NTM: variants seen among roughly 807,000 people sequenced by gnomAD.
NTM encodes the protein IgLON family member 2.
In NTM, 13 loss-of-function variants were observed where a neutral mutation model predicts 42.1. That is an observed-to-expected ratio of 0.31 (90% CI 0.20 to 0.49). The LOEUF (loss-of-function observed/expected upper bound fraction) is 0.49, where lower values mean the gene tolerates loss of function less well. Ranked by LOEUF, NTM falls within the 20% of genes least tolerant of loss-of-function variation. The pLI is 0.99. For missense variants in NTM, 373 were observed against 452.8 expected, an observed-to-expected ratio of 0.82 and a Z score of 1.60; for synonymous variants, 187 against 179.2, an observed-to-expected ratio of 1.04 and a Z score of -0.35.
At chr11:131,869,166 CT>C (rs1206454373) in intron 1 of NTM, among the ~76,000 whole-genome samples, 1 of 152,070 alleles carries the variant, frequency 6.6e-6, no homozygotes, top group Non-Finnish European at 1.5e-5. Context: ...GTAGATTTCA[CT>C]TTTTTTAATG....
intron 1 of NTM, among the ~76,000 whole-genome samples, chr11:131,631,475 TA>T (rs920020792): frequency 1.5e-4 from 23 of 152,066 alleles, no homozygotes; most frequent in African/African-American, 5.3e-4. Flanking sequence ...CTTATGTTAA[TA>T]AAAAAAATGA....
intron 1 of NTM, among the ~76,000 whole-genome samples, chr11:131,621,055 G>A (rs770527330): frequency 3.3e-5 from 5 of 152,166 alleles, no homozygotes; most frequent in Non-Finnish European, 7.3e-5. Flanking sequence ...ACAGAAACCT[G>A]AATGATGTAG....
intron 4 of NTM, among the ~76,000 whole-genome samples, chr11:132,220,604 G>A (rs964661655): frequency 2.0e-5 from 3 of 152,174 alleles, no homozygotes; most frequent in Non-Finnish European, 4.4e-5. Flanking sequence ...GCATACCACA[G>A]ACACTGTTTG....
chr11:132,081,056 A>G (rs1178068569), intron 2 of NTM, among the ~76,000 whole-genome samples: 1 of 152,246 alleles, frequency 6.6e-6, no homozygotes, highest in Non-Finnish European at 1.5e-5. Context: ...GAATAAGCAC[A>G]TAGATGCTAA....
intron 2 of NTM, among the ~76,000 whole-genome samples, chr11:132,008,306 G>A (rs999926351): frequency 1.3e-5 from 2 of 152,094 alleles, no homozygotes; most frequent in South Asian, 2.1e-4. Context: ...CTGAGTCTTG[G>A]TTTTCCATCC....
intron 2 of NTM, among the ~76,000 whole-genome samples, chr11:131,917,069 C>A (rs999264494): frequency 6.6e-6 from 1 of 152,234 alleles, no homozygotes; most frequent in Non-Finnish European, 1.5e-5. Context: ...GAACAATCAT[C>A]TCCATCTGAA....
At chr11:132,161,195 A>G (rs1357129701) in intron 3 of NTM, among the ~76,000 whole-genome samples, 1 of 152,040 alleles carries the variant, frequency 6.6e-6, no homozygotes, top group Non-Finnish European at 1.5e-5. Flanking sequence ...GTGCTCCTCC[A>G]GTGAGGCTTC....
chr11:131,762,487 G>A (rs1375104792), intron 1 of NTM, among the ~76,000 whole-genome samples: 2 of 152,230 alleles, frequency 1.3e-5, no homozygotes, highest in African/African-American at 2.4e-5. Context: ...GCTGCATGCA[G>A]GCCAAGGGCA....
chr11:132,272,774 G>A (rs545866435), intron 4 of NTM, among the ~76,000 whole-genome samples: 1 of 151,880 alleles, frequency 6.6e-6, no homozygotes, highest in East Asian at 1.9e-4. Context: ...TTTTTTAGTG[G>A]ATTTCTTAGT....
chr11:132,288,509 C>T (rs1301673668), intron 4 of NTM, among the ~76,000 whole-genome samples: 2 of 152,236 alleles, frequency 1.3e-5, no homozygotes, highest in Non-Finnish European at 2.9e-5. Flanking sequence ...ATGTATAGAA[C>T]ACCACTTGAA....
In NTM at chr11:131,604,177, C is replaced by T. The variant is rs1203546535; in HGVS notation, c.82+233289C>T. On this transcript the variant is annotated intron_variant, in intron 1 of 8. Transcript: ENST00000683400. ...TGAGGGTTCCAATTCTTCGAATCCTCCTCAATCCTTGTTATGATCTGTCTT... is the reference window on the plus strand; with the variant it reads ...TGAGGGTTCCAATTCTTCGAATCCTTCTCAATCCTTGTTATGATCTGTCTT... Among the ~76,000 whole-genome samples, 4 of 152,288 alleles carry T rather than the reference C, an allele frequency of 2.6e-5. No individual in the cohort carries two copies. The East Asian group carries it at 5.8e-4, about 22-fold the overall frequency.
At chr11:132,309,571 G>C (rs2095215275) in intron 5 of NTM, among the ~76,000 whole-genome samples, 1 of 152,192 alleles carries the variant, frequency 6.6e-6, no homozygotes, top group Non-Finnish European at 1.5e-5. Flanking sequence ...AAATGCTTGA[G>C]TACATGGTCA....
At chr11:131,925,539 C>T (rs936738250) in intron 2 of NTM, among the ~76,000 whole-genome samples, 1 of 152,022 alleles carries the variant, frequency 6.6e-6, no homozygotes, top group Admixed American at 6.6e-5. Context: ...GTACATGCCA[C>T]CATGCCCAGC....
intron 1 of NTM, among the ~76,000 whole-genome samples, chr11:131,613,853 C>G (rs1220098128): frequency 6.6e-6 from 1 of 152,170 alleles, no homozygotes; most frequent in Non-Finnish European, 1.5e-5. Context: ...CACCACGTAC[C>G]TGCCTTGCTT....
At chr11:131,434,607 A>G (rs1948968698) in intron 1 of NTM, among the ~76,000 whole-genome samples, 1 of 152,122 alleles carries the variant, frequency 6.6e-6, no homozygotes, top group African/African-American at 2.4e-5. Context: ...GTGTCTGTTC[A>G]TATCCTTTGC....
chr11:131,915,908 G>C (rs1592827603), intron 2 of NTM, among the ~76,000 whole-genome samples: 1 of 152,180 alleles, frequency 6.6e-6, no homozygotes, highest in Non-Finnish European at 1.5e-5. Context: ...GGAATTATGG[G>C]AGCTACAATT....
At chr11:131,878,583 AAAAAAAAAAAAATATATATATATAT>A (rs2078175501) in intron 1 of NTM, among the ~76,000 whole-genome samples, 1 of 54,018 alleles carries the variant, frequency 1.9e-5, no homozygotes, top group African/African-American at 8.4e-5. Context: ...AAAAAAAAAA[AAAAAAAAAAAAATATATATATATAT>A]ATATATATAT....
chr11:132,023,943 C>G (rs185743889), intron 2 of NTM, among the ~76,000 whole-genome samples: 14 of 151,794 alleles, frequency 9.2e-5, no homozygotes, highest in Non-Finnish European at 1.6e-4. Context: ...CTCAGCCTCC[C>G]GAGTAGCTGG....
chr11:131,737,060 C>T (rs1039771013), intron 1 of NTM, among the ~76,000 whole-genome samples: 9 of 152,120 alleles, frequency 5.9e-5, no homozygotes, highest in Non-Finnish European at 7.3e-5. Flanking sequence ...TTATTTAGCA[C>T]GCTGCTACTT....
Sources: allele counts gnomAD v4.1 joint callset (sites outside exome capture counted in the v4.1 genomes callset), GRCh38; gene constraint gnomAD v4.1.1; transcripts MANE v1.5; gene names NCBI Gene and HGNC (gene_info 2026-07-23, HGNC 2026-07-21).